The following ADCY10 variants were observed in gnomAD, a reference collection of about 807,000 sequenced individuals.
ADCY10 encodes the protein adenylate cyclase 10.
In ADCY10, 156 loss-of-function variants were observed where a neutral mutation model predicts 183.3. That is an observed-to-expected ratio of 0.85 (90% CI 0.75 to 0.97). ADCY10 has a LOEUF of 0.97. Among genes scored for constraint, ADCY10 ranks in the 50% least tolerant of loss-of-function variants. The pLI, the probability that ADCY10 is intolerant of heterozygous loss-of-function variation, is 0.00. For synonymous variants in ADCY10, 645 were observed against 670.0 expected (o/e 0.96, Z 0.58); for missense variants, 1,745 against 1,934.3 (o/e 0.90, Z 1.84).
rs534271215 is a variant in ADCY10 at position 167,852,375 on chromosome 1, C to T, written c.2308+1978G>A. On this transcript the variant is annotated intron_variant, in intron 18 of 32. Transcript: ENST00000367851. ...AGGAGAACTGCTTGAGCGCAGGAGA[C>T]GGAGATTGCAGTGAGCCGAGATCGT... is the stretch of plus-strand genomic sequence containing the variant. Among the ~76,000 whole-genome samples the T allele has an allele frequency of 1.3e-4, 20 of 151,918 alleles. No homozygotes were observed. The South Asian group carries it at 1.5e-3, about 11-fold the overall frequency.
intron 8 of ADCY10, among the ~76,000 whole-genome samples, chr1:167,890,458 C>T (rs1019762409): frequency 4.6e-5 from 7 of 152,066 alleles, no homozygotes; most frequent in Admixed American, 2.6e-4. Context: ...GGTGGGGTCA[C>T]ACAAGCACCC....
chr1:167,827,875 A>G (rs797009525), intron 26 of ADCY10, among the ~76,000 whole-genome samples: 4 of 152,046 alleles, frequency 2.6e-5, no homozygotes, highest in African/African-American at 9.6e-5. Context: ...CACCACACTC[A>G]GCTAATTTTT....
intron 1 of ADCY10, 35 bp downstream of exon 1, chr1:167,913,941 T>A (rs891164770): frequency 6.6e-6 from 1 of 152,278 alleles, no homozygotes; most frequent in African/African-American, 2.4e-5. Flanking sequence ...AGCTCTGCAA[T>A]CAATCTTTCT....
chr1:167,858,913 G>A (rs2102037996), intron 16 of ADCY10, among the ~76,000 whole-genome samples: 1 of 152,292 alleles, frequency 6.6e-6, no homozygotes. Flanking sequence ...AATGATAAGA[G>A]CCTGAACTAT....
intron 14 of ADCY10, among the ~76,000 whole-genome samples, chr1:167,864,461 A>C (rs1666528558): frequency 6.6e-6 from 1 of 152,186 alleles, no homozygotes; most frequent in Non-Finnish European, 1.5e-5. Context: ...GGTAACCTGT[A>C]AGCCAAGGCA....
intron 13 of ADCY10, among the ~76,000 whole-genome samples, chr1:167,873,531 C>T (rs1667245589): frequency 6.6e-6 from 1 of 152,208 alleles, no homozygotes; most frequent in Non-Finnish European, 1.5e-5. Context: ...AAGGAAATTA[C>T]AAGTGCTACT....
chr1:167,888,023 A>G (rs1668348492), intron 8 of ADCY10, among the ~76,000 whole-genome samples: 1 of 152,144 alleles, frequency 6.6e-6, no homozygotes, highest in Non-Finnish European at 1.5e-5. Flanking sequence ...TCCCAGCACA[A>G]TTTATTGAAG....
intron 14 of ADCY10, among the ~76,000 whole-genome samples, chr1:167,862,817 C>T (rs1666375972): frequency 6.6e-6 from 1 of 152,108 alleles, no homozygotes; most frequent in Admixed American, 6.5e-5. Flanking sequence ...AAGCATTTTC[C>T]CCTCACACTG....
chr1:167,815,727 C>T (rs1662491852), intron 31 of ADCY10, among the ~76,000 whole-genome samples: 1 of 152,014 alleles, frequency 6.6e-6, no homozygotes, highest in Non-Finnish European at 1.5e-5. Flanking sequence ...AATTATCAGA[C>T]TGGGAATTTA....
chr1:167,907,429 A>C (rs1669892476), intron 1 of ADCY10, among the ~76,000 whole-genome samples: 2 of 152,114 alleles, frequency 1.3e-5, no homozygotes, highest in African/African-American at 2.4e-5. Context: ...TTTTGCCTTC[A>C]CTTTGGGACC....
intron 8 of ADCY10, among the ~76,000 whole-genome samples, chr1:167,884,761 G>A (rs571832574): frequency 4.7e-5 from 7 of 148,238 alleles, no homozygotes; most frequent in African/African-American, 1.2e-4. Flanking sequence ...GCAGTGGCGC[G>A]ATCTCGGCTC....
chr1:167,840,227 G>T (rs1044373909), intron 21 of ADCY10, among the ~76,000 whole-genome samples: 1 of 142,144 alleles, frequency 7.0e-6, no homozygotes, highest in Non-Finnish European at 1.5e-5. Context: ...GCAAGACCCT[G>T]TCTCAAAAAA....
Position 167,893,793 on chromosome 1 carries a change from A to G in ADCY10, c.828+60T>C. 4 of 1,195,466 alleles carry G rather than the reference A, an allele frequency of 3.3e-6. No homozygotes were observed. In the South Asian group the frequency reaches 5.0e-5, roughly 15 times the overall value. The allele number at this position is 1,195,466 out of a possible 1,614,324, so 74.1% of individuals were successfully genotyped here. A position where few individuals can be genotyped will look rare whatever the true frequency, so the allele number is the denominator to read the frequency against. Reference sequence around the variant, plus strand: ...CTGTTTTTTTTTTCTTAAATCTTAAAATTCCAGCTGTCCAGATCCCTGACA... The same window carrying G: ...CTGTTTTTTTTTTCTTAAATCTTAAGATTCCAGCTGTCCAGATCCCTGACA... On this transcript the variant is annotated intron_variant, in intron 8 of 32. Transcript: ENST00000367851.
chr1:167,911,057 A>T (rs907808527), intron 1 of ADCY10, among the ~76,000 whole-genome samples: 1 of 152,212 alleles, frequency 6.6e-6, no homozygotes, highest in African/African-American at 2.4e-5. Context: ...ACTGGATGGA[A>T]AGTGGGTTAG....
At chr1:167,883,023 C>T (rs1178961527) in intron 9 of ADCY10, among the ~76,000 whole-genome samples, 1 of 152,132 alleles carries the variant, frequency 6.6e-6, no homozygotes, top group Non-Finnish European at 1.5e-5. Context: ...CAAAGACTGG[C>T]CTTCTAGGTT....
intron 1 of ADCY10, among the ~76,000 whole-genome samples, chr1:167,906,143 C>A (rs1669796154): frequency 1.3e-5 from 2 of 151,536 alleles, no homozygotes; most frequent in South Asian, 2.1e-4. Flanking sequence ...CGCTTATATC[C>A]CTTAGATTTA....
intron 2 of ADCY10, 56 bp from the exon 3 acceptor site, chr1:167,904,047 A>G (rs1669640279): frequency 8.8e-7 from 1 of 1,135,164 alleles, no homozygotes. Flanking sequence ...AAACAGAGCC[A>G]GAAGAGGACT....
intron 18 of ADCY10, 142 bp from the exon 19 acceptor site, chr1:167,848,631 T>C: frequency 1.1e-6 from 1 of 907,260 alleles, no homozygotes; most frequent in Non-Finnish European, 1.7e-6. Flanking sequence ...TCTGGAAACC[T>C]TTTTTTTGTT....
intron 16 of ADCY10, 67 bp from the exon 17 acceptor site, chr1:167,856,506 G>T (rs1665911558): frequency 6.8e-7 from 1 of 1,471,622 alleles, no homozygotes; most frequent in South Asian, 1.1e-5. Flanking sequence ...ACATGTATGG[G>T]TATGCATATG....
Sources: allele counts gnomAD v4.1 joint callset (sites outside exome capture counted in the v4.1 genomes callset), GRCh38; gene constraint gnomAD v4.1.1; transcripts MANE v1.5; gene names NCBI Gene and HGNC (gene_info 2026-07-23, HGNC 2026-07-21).